Variants in DAB1 observed in about 807,000 individuals in gnomAD.
DAB1 encodes the protein disabled homolog 1.
A neutral mutation model predicts 64.6 loss-of-function variants in DAB1; 15 were observed. The observed-to-expected ratio is 0.23, with a 90% CI of 0.16 to 0.36. The LOEUF (loss-of-function observed/expected upper bound fraction) is 0.36, where lower values mean the gene tolerates loss of function less well. Among genes scored for constraint, DAB1 ranks in the 10% least tolerant of loss-of-function variants. The pLI is 1.00. For missense variants in DAB1, 596 were observed against 706.7 expected, an observed-to-expected ratio of 0.84 and a Z score of 1.78; for synonymous variants, 235 against 251.9, an observed-to-expected ratio of 0.93 and a Z score of 0.64.
At chr1:58,517,286 C>A (rs951046411) in intron 2 of DAB1, among the ~76,000 whole-genome samples, 3 of 152,164 alleles carry the variant, frequency 2.0e-5, no homozygotes, top group Non-Finnish European at 2.9e-5. Flanking sequence ...GAAGTTTCTG[C>A]CTATCCTTCA....
intron 3 of DAB1, among the ~76,000 whole-genome samples, chr1:58,418,104 C>T (rs888125999): frequency 1.3e-5 from 2 of 152,244 alleles, no homozygotes; most frequent in Non-Finnish European, 2.9e-5. Flanking sequence ...TGTGCAATTC[C>T]GCAACTCTCT....
At chr1:57,020,525 G>C (rs1278161818) in intron 11 of DAB1, among the ~76,000 whole-genome samples, 4 of 152,004 alleles carry the variant, frequency 2.6e-5, no homozygotes, top group African/African-American at 9.7e-5. Flanking sequence ...CATTCTCCAG[G>C]CCACCCATTC....
chr1:57,047,052 A>G (rs974809337), intron 9 of DAB1, among the ~76,000 whole-genome samples: 3 of 152,154 alleles, frequency 2.0e-5, no homozygotes, highest in African/African-American at 7.2e-5. Context: ...CACTTTCAAG[A>G]GTGCCCAGTT....
chr1:57,835,766 T>G (rs1230388092), intron 1 of DAB1, among the ~76,000 whole-genome samples: 2 of 152,234 alleles, frequency 1.3e-5, no homozygotes, highest in East Asian at 1.9e-4. Flanking sequence ...TTGCTCCTCC[T>G]GAAGCCTGCA....
rs747743958 is a variant in DAB1 at position 57,291,073 on chromosome 1, G to A, written c.-43C>T. On this transcript the variant is annotated 5_prime_UTR_variant, in exon 2 of 15. Transcript: ENST00000371236. ...CCACTTCACACAGATCCCGGGCCTC[G>A]GCCAGGCTCATTGAGGACTCTTCTC... 1.9e-5 allele frequency: 27 copies of A among 1,453,294 alleles called. No homozygotes were observed. The highest frequency in any genetic ancestry group is 9.5e-5 in the East Asian group (4 of 42,210). The allele number at this position is 1,453,294 out of a possible 1,614,324, so 90.0% of individuals were successfully genotyped here.
chr1:57,644,485 G>T (rs1422508497), intron 7 of DAB1, among the ~76,000 whole-genome samples: 2 of 151,956 alleles, frequency 1.3e-5, no homozygotes, highest in Non-Finnish European at 2.9e-5. Context: ...AATCAATCAG[G>T]GTGCAACCAG....
At chr1:57,460,959 T>C (rs528091421) in intron 7 of DAB1, among the ~76,000 whole-genome samples, 2 of 152,332 alleles carry the variant, frequency 1.3e-5, no homozygotes, top group Admixed American at 1.3e-4. Flanking sequence ...TAGGTAAACG[T>C]GTGCCATGGT....
At chr1:58,112,532 T>A (rs998819437) in intron 5 of DAB1, among the ~76,000 whole-genome samples, 1 of 152,184 alleles carries the variant, frequency 6.6e-6, no homozygotes, top group Non-Finnish European at 1.5e-5. Context: ...ATGGAGACAA[T>A]GATAGGCACC....
At position 57,277,753 on chromosome 1, in the gene DAB1, A is replaced by G. The variant is rs150069659; in HGVS notation, c.67+13211T>C. On this transcript the variant is annotated intron_variant, in intron 2 of 14. Coordinates refer to ENST00000371236, the MANE Select transcript of DAB1 (RefSeq NM_001365792.1). ...AGAACATTTTTCATTGTTGGAGATA[A>G]TTCTCCTTCCCGTGCACATTTGTCA... Among the ~76,000 whole-genome samples, 13 of 152,254 alleles carry G rather than the reference A, an allele frequency of 8.5e-5. No individual in the cohort carries two copies. In the East Asian group the frequency reaches 2.3e-3, roughly 27 times the overall value.
intron 1 of DAB1, among the ~76,000 whole-genome samples, chr1:57,298,411 A>C (rs1673373467): frequency 6.6e-6 from 1 of 152,218 alleles, no homozygotes; most frequent in African/African-American, 2.4e-5. Context: ...CTACTTTACC[A>C]AAACTTTCAA....
chr1:57,105,721 G>T (rs1655083338), intron 4 of DAB1, among the ~76,000 whole-genome samples: 1 of 152,150 alleles, frequency 6.6e-6, no homozygotes, highest in Non-Finnish European at 1.5e-5. Context: ...TGCAAAGACA[G>T]CCTCCAGAAC....
intron 1 of DAB1, among the ~76,000 whole-genome samples, chr1:57,839,148 CT>C (rs1652940800): frequency 6.6e-6 from 1 of 152,088 alleles, no homozygotes; most frequent in African/African-American, 2.4e-5. Flanking sequence ...AGTAATTCCC[CT>C]AAATGCAAAC....
intron 3 of DAB1, among the ~76,000 whole-genome samples, chr1:58,395,664 CT>C (rs1036589709): frequency 2.6e-5 from 4 of 152,104 alleles, no homozygotes; most frequent in East Asian, 1.9e-4. Context: ...GCCTGGAGCT[CT>C]TTTTTTTGGG....
At chr1:57,901,699 C>G (rs1211365516) in intron 5 of DAB1, among the ~76,000 whole-genome samples, 1 of 152,132 alleles carries the variant, frequency 6.6e-6, no homozygotes, top group East Asian at 1.9e-4. Context: ...CCCAGTGCTT[C>G]CCAGTCTGTC....
chr1:57,696,524 C>CT (rs151289495), intron 6 of DAB1, among the ~76,000 whole-genome samples: 6,705 of 152,252 alleles, frequency 0.044, 235 homozygotes, highest in African/African-American at 0.088. Context: ...AAACAACTCC[C>CT]TGTGCCAGTG....
chr1:57,440,392 G>A (rs1356979574), intron 7 of DAB1, among the ~76,000 whole-genome samples: 1 of 152,200 alleles, frequency 6.6e-6, no homozygotes, highest in Admixed American at 6.5e-5. Flanking sequence ...ACCTTGAACA[G>A]TCATCCATCA....
chr1:57,605,832 A>T, intron 7 of DAB1: 1 of 534,748 alleles, frequency 1.9e-6, no homozygotes, highest in South Asian at 1.9e-5. Context: ...TAATCAATTT[A>T]TTAAGACAGT....
intron 4 of DAB1, among the ~76,000 whole-genome samples, chr1:58,240,030 G>A (rs1660218933): frequency 6.6e-6 from 1 of 152,192 alleles, no homozygotes; most frequent in Non-Finnish European, 1.5e-5. Flanking sequence ...AGGAGGTGGA[G>A]TGCAAAAGAA....
chr1:58,447,871 A>G (rs1645088399), intron 3 of DAB1, among the ~76,000 whole-genome samples: 1 of 151,998 alleles, frequency 6.6e-6, no homozygotes, highest in African/African-American at 2.4e-5. Flanking sequence ...AAAAAAAAAA[A>G]AGTCTTATGC....
Sources: allele counts gnomAD v4.1 joint callset (sites outside exome capture counted in the v4.1 genomes callset), GRCh38; gene constraint gnomAD v4.1.1; transcripts MANE v1.5; gene names NCBI Gene and HGNC (gene_info 2026-07-23, HGNC 2026-07-21).